The following ADAMTSL1 variants were observed in gnomAD, a reference collection of about 807,000 sequenced individuals.
ADAMTSL1 encodes the protein ADAMTS like 1, also known as ADAMTS-like protein 1.
A neutral mutation model predicts 201.8 loss-of-function variants in ADAMTSL1; 126 were observed. The observed-to-expected ratio is 0.62, with a 90% CI of 0.54 to 0.72. The LOEUF is 0.72. Ranked by LOEUF, ADAMTSL1 falls within the 30% of genes least tolerant of loss-of-function variation. The probability of loss-of-function intolerance (pLI) is 0.00; values close to 1 mark genes in which losing one functional copy is unlikely to be tolerated. For synonymous variants in ADAMTSL1, 1,121 were observed against 903.4 expected (o/e 1.24, Z -4.32); for missense variants, 2,679 against 2,277.8 (o/e 1.18, Z -3.59).
chr9:18,385,278 T>A (rs1426911500), intron 2 of ADAMTSL1, among the ~76,000 whole-genome samples: 1 of 152,052 alleles, frequency 6.6e-6, no homozygotes, highest in East Asian at 1.9e-4. Context: ...GGTGTCTGGC[T>A]TTATGATCCA....
At chr9:18,326,826 T>A (rs2132883380) in intron 2 of ADAMTSL1, among the ~76,000 whole-genome samples, 1 of 152,352 alleles carries the variant, frequency 6.6e-6, no homozygotes, top group African/African-American at 2.4e-5. Context: ...GTGGAGCTTT[T>A]ATATGAGAAT....
Position 18,093,123 on chromosome 9 carries a change from G to C in ADAMTSL1, c.88-70739G>C, listed in dbSNP as rs72699405. Among the ~76,000 whole-genome samples, 438 of 152,226 alleles carry C rather than the reference G, an allele frequency of 2.9e-3. 2 individuals carry two copies. Among genetic ancestry groups the C allele is most frequent in the Non-Finnish European group, 4.8e-3 (325 of 67,994 alleles). ...GAACTGCATAGGTAGCAGCCGACAA[G>C]TACAGAAAATAAGTTCCTGTAATGG... On this transcript the variant is annotated intron_variant, in intron 1 of 29. Coordinates refer to the ADAMTSL1 transcript ENST00000680146.
intron 7 of ADAMTSL1, among the ~76,000 whole-genome samples, chr9:18,649,107 A>G (rs927511239): frequency 1.3e-5 from 2 of 151,960 alleles, no homozygotes; most frequent in African/African-American, 4.8e-5. Flanking sequence ...TTTTTTCTCT[A>G]AACTTCCTTT....
chr9:18,015,616 T>A (rs1474661535), intron 1 of ADAMTSL1, among the ~76,000 whole-genome samples: 1 of 152,042 alleles, frequency 6.6e-6, no homozygotes, highest in Non-Finnish European at 1.5e-5. Flanking sequence ...ATTTTACAGT[T>A]GATAAAACAG....
intron 15 of ADAMTSL1, 89 bp downstream of exon 15, chr9:18,721,754 TTACTC>T: frequency 6.7e-7 from 1 of 1,492,152 alleles, no homozygotes; most frequent in East Asian, 2.4e-5. Context: ...CACTTATTTG[TTACTC>T]AGTGTTTTGA....
chr9:17,914,208 GAC>G (rs1191045072), intron 1 of ADAMTSL1, among the ~76,000 whole-genome samples: 1 of 152,102 alleles, frequency 6.6e-6, no homozygotes, highest in Non-Finnish European at 1.5e-5. Context: ...GCCTGGCGGA[GAC>G]ACAACCAAAA....
intron 2 of ADAMTSL1, among the ~76,000 whole-genome samples, chr9:18,392,566 C>T (rs756181607): frequency 6.6e-6 from 1 of 152,176 alleles, no homozygotes; most frequent in Non-Finnish European, 1.5e-5. Flanking sequence ...ATTTTTGAAA[C>T]TTCTATCTTT....
chr9:18,862,433 G>C (rs1053028676), intron 23 of ADAMTSL1, among the ~76,000 whole-genome samples: 1 of 152,176 alleles, frequency 6.6e-6, no homozygotes, highest in African/African-American at 2.4e-5. Flanking sequence ...TATCACTCAA[G>C]AGAAGGGAAT....
At chr9:18,746,077 C>T (rs769542298) in intron 15 of ADAMTSL1, among the ~76,000 whole-genome samples, 1 of 152,232 alleles carries the variant, frequency 6.6e-6, no homozygotes, top group Non-Finnish European at 1.5e-5. Flanking sequence ...AGGCTGAGCC[C>T]TGGACATACT....
rs117513646 is a variant in ADAMTSL1 at position 18,026,781 on chromosome 9, T to C, written c.87+119859T>C. Among the ~76,000 whole-genome samples, 71 of 152,240 alleles carry C rather than the reference T, an allele frequency of 4.7e-4. No homozygotes were observed. In the East Asian group the frequency reaches 7.5e-3, roughly 16 times the overall value. On this transcript the variant is annotated intron_variant, in intron 1 of 29. Coordinates refer to the ADAMTSL1 transcript ENST00000680146. ...TTGGGAATAGTTTCAGTAGGATTGA[T>C]AGCAGCTCTTCTTTGAACATCTGGT...
intron 1 of ADAMTSL1, among the ~76,000 whole-genome samples, chr9:17,922,725 A>C (rs1343796367): frequency 1.9e-4 from 1 of 5,230 alleles, no homozygotes; most frequent in Non-Finnish European, 4.6e-4. Context: ...AACTCTGCTC[A>C]GTGATTTTTT....
intron 22 of ADAMTSL1, among the ~76,000 whole-genome samples, chr9:18,828,660 T>TTTATATATATATATATATATATATA (rs10685537): frequency 7.0e-5 from 2 of 28,524 alleles, no homozygotes; most frequent in African/African-American, 1.2e-4. Flanking sequence ...GAAAGTATAT[T>TTTATATATATATATATATATATATA]TATATATATA....
At chr9:18,903,752 C>G (rs10811058) in intron 26 of ADAMTSL1, among the ~76,000 whole-genome samples, 58,347 of 151,626 alleles carry the variant, frequency 0.38, 12,219 homozygotes, top group East Asian at 0.52. Context: ...ATATCAAAAT[C>G]CACACAAACT....
At chr9:18,115,669 A>G (rs1029935413) in intron 1 of ADAMTSL1, among the ~76,000 whole-genome samples, 2 of 152,156 alleles carry the variant, frequency 1.3e-5, no homozygotes, top group Non-Finnish European at 2.9e-5. Context: ...TGAAATGGGC[A>G]TGATGATTAT....
At chr9:18,907,055 C>T (rs1830356182) in intron 28 of ADAMTSL1, 143 bp downstream of exon 28, 1 of 817,980 alleles carries the variant, frequency 1.2e-6, no homozygotes, top group South Asian at 1.7e-5. Flanking sequence ...TTGAGCATTT[C>T]AGTGGGGTGC....
At position 18,170,818 on chromosome 9, in the gene ADAMTSL1, G is replaced by A. The variant is rs150561805; in HGVS notation, c.207+6837G>A. On this transcript the variant is annotated intron_variant, in intron 2 of 29. Transcript: ENST00000680146. ...CATACAGATTCTCTAGGAGAGCTGG[G>A]CATCTAACTGTGGTGGATACATGAC... 7.2e-5 allele frequency among the ~76,000 whole-genome samples: 11 copies of A among 152,186 alleles called. No homozygotes were observed. The East Asian group carries it at 7.8e-4, about 11-fold the overall frequency.
At chr9:18,231,463 A>T (rs915673797) in intron 2 of ADAMTSL1, among the ~76,000 whole-genome samples, 3 of 152,166 alleles carry the variant, frequency 2.0e-5, no homozygotes, top group East Asian at 1.9e-4. Flanking sequence ...CCAGGAAAAC[A>T]CGTTCTCTTG....
intron 2 of ADAMTSL1, among the ~76,000 whole-genome samples, chr9:18,178,785 C>A (rs1404012395): frequency 3.9e-5 from 6 of 152,190 alleles, no homozygotes; most frequent in African/African-American, 4.8e-5. Flanking sequence ...CTCACATGGC[C>A]AGGTACTCCA....
intron 9 of ADAMTSL1, among the ~76,000 whole-genome samples, chr9:18,671,411 T>C (rs1342702670): frequency 6.6e-6 from 1 of 152,144 alleles, no homozygotes; most frequent in Non-Finnish European, 1.5e-5. Flanking sequence ...ACGAGACTGG[T>C]ATGAAAGTGC....
Sources: gnomAD v4.1 joint callset for allele counts (sites outside exome capture counted in the v4.1 genomes callset) on GRCh38, gnomAD v4.1.1 for gene constraint, MANE v1.5 for transcripts, NCBI Gene and HGNC (gene_info 2026-07-23, HGNC 2026-07-21) for gene names.